The following IQCM variants were observed in gnomAD, a reference collection of about 807,000 sequenced individuals.
IQCM encodes IQ domain-containing protein M.
In IQCM, 45 loss-of-function variants were observed where a neutral mutation model predicts 57.6. That is an observed-to-expected ratio of 0.78 (90% CI 0.62 to 1.00). The LOEUF is 1.00. Among genes scored for constraint, IQCM ranks in the 50% least tolerant of loss-of-function variants. The probability of loss-of-function intolerance (pLI) is 0.00; values close to 1 mark genes in which losing one functional copy is unlikely to be tolerated. For missense variants in IQCM, 468 were observed against 511.6 expected (o/e 0.91, Z 0.82); for synonymous variants, 148 against 158.9 (o/e 0.93, Z 0.51).
At chr4:149,506,226 G>A (rs1053174710) in intron 12 of IQCM, among the ~76,000 whole-genome samples, 2 of 152,158 alleles carry the variant, frequency 1.3e-5, no homozygotes, top group African/African-American at 4.8e-5. Context: ...AGGAGATTCT[G>A]CCACAGTTAT....
chr4:149,608,333 C>G (rs1191813214), intron 8 of IQCM, among the ~76,000 whole-genome samples: 1 of 151,864 alleles, frequency 6.6e-6, no homozygotes, highest in Non-Finnish European at 1.5e-5. Flanking sequence ...ATCAACACTC[C>G]ACTTTCAGCA....
At chr4:149,695,954 A>C (rs1387850570) in intron 5 of IQCM, among the ~76,000 whole-genome samples, 1 of 152,158 alleles carries the variant, frequency 6.6e-6, no homozygotes, top group African/African-American at 2.4e-5. Context: ...TGGGTAAAAG[A>C]ATTGCAAAAA....
chr4:149,487,087 G>A (rs1361870586), intron 12 of IQCM, among the ~76,000 whole-genome samples: 1 of 152,120 alleles, frequency 6.6e-6, no homozygotes, highest in African/African-American at 2.4e-5. Context: ...GGCTCACAGT[G>A]TACTCCCTGG....
intron 12 of IQCM, among the ~76,000 whole-genome samples, chr4:149,508,248 C>T (rs1251443308): frequency 6.6e-6 from 1 of 152,044 alleles, no homozygotes; most frequent in African/African-American, 2.4e-5. Flanking sequence ...GTGGCACCAC[C>T]TAGAGAAGCT....
At chr4:149,585,924 A>G (rs1166345320) in intron 9 of IQCM, among the ~76,000 whole-genome samples, 1 of 151,722 alleles carries the variant, frequency 6.6e-6, no homozygotes, top group Non-Finnish European at 1.5e-5. Context: ...AAAATATTTA[A>G]GACATCCCTG....
At chr4:149,550,720 T>A (rs1278222413) in intron 11 of IQCM, among the ~76,000 whole-genome samples, 1 of 152,178 alleles carries the variant, frequency 6.6e-6, no homozygotes, top group African/African-American at 2.4e-5. Flanking sequence ...TATAGGTAAC[T>A]GCCAAATATC....
intron 2 of IQCM, among the ~76,000 whole-genome samples, chr4:149,764,367 G>A (rs141991636): frequency 0.022 from 3,383 of 152,246 alleles, 63 homozygotes; most frequent in South Asian, 0.034. Flanking sequence ...CACTAGCCTG[G>A]ACAGACTTTT....
intron 7 of IQCM, among the ~76,000 whole-genome samples, chr4:149,679,615 A>G (rs1762027255): frequency 6.6e-6 from 1 of 151,530 alleles, no homozygotes; most frequent in Non-Finnish European, 1.5e-5. Context: ...GTATTAAATA[A>G]TCATGTGTAT....
intron 7 of IQCM, among the ~76,000 whole-genome samples, chr4:149,652,707 C>T (rs1399513328): frequency 6.6e-6 from 1 of 150,500 alleles, no homozygotes; most frequent in Non-Finnish European, 1.5e-5. Flanking sequence ...ATGTGAACAA[C>T]ATGAAACAAA....
chr4:149,767,341 A>C (rs775902523), intron 2 of IQCM, among the ~76,000 whole-genome samples: 7 of 152,044 alleles, frequency 4.6e-5, no homozygotes, highest in Non-Finnish European at 2.9e-5. Context: ...CTTGATACAC[A>C]CAAGTTTTGT....
chr4:149,429,061 C>A (rs528710945), intron 13 of IQCM, among the ~76,000 whole-genome samples: 49 of 151,846 alleles, frequency 3.2e-4, no homozygotes, highest in South Asian at 6.2e-4. Flanking sequence ...AAGATAATAG[C>A]TAATCCACCC....
chr4:149,498,528 C>G (rs555948631), intron 12 of IQCM, among the ~76,000 whole-genome samples: 8 of 152,240 alleles, frequency 5.3e-5, no homozygotes, highest in Admixed American at 2.0e-4. Context: ...AACCCTGGTA[C>G]AGCAGGCTCT....
At chr4:149,467,571 G>C (rs972421581) in intron 12 of IQCM, among the ~76,000 whole-genome samples, 6 of 152,158 alleles carry the variant, frequency 3.9e-5, no homozygotes, top group African/African-American at 4.8e-5. Context: ...TTAATGAAAA[G>C]ACCTCTTTTA....
At chr4:149,379,208 C>T (rs535303375) in intron 13 of IQCM, among the ~76,000 whole-genome samples, 15 of 152,322 alleles carry the variant, frequency 9.8e-5, no homozygotes, top group Admixed American at 3.3e-4. Flanking sequence ...TAGGGCAGTG[C>T]AGTAGGGAAA....
chr4:149,494,109 C>T (rs375953447), intron 12 of IQCM, among the ~76,000 whole-genome samples: 21 of 151,902 alleles, frequency 1.4e-4, no homozygotes, highest in Middle Eastern at 6.8e-3. Context: ...CCAAACATAG[C>T]CTGATACGAT....
At chr4:149,793,919 A>G (rs1285854157) in intron 2 of IQCM, among the ~76,000 whole-genome samples, 1 of 152,248 alleles carries the variant, frequency 6.6e-6, no homozygotes, top group Non-Finnish European at 1.5e-5. Context: ...AATCACACTA[A>G]AATGATTCTA....
At chr4:149,643,444 T>C (rs1460319088) in intron 7 of IQCM, among the ~76,000 whole-genome samples, 1 of 152,166 alleles carries the variant, frequency 6.6e-6, no homozygotes, top group Non-Finnish European at 1.5e-5. Flanking sequence ...CCAGAGGAAG[T>C]CTAGGGATAG....
rs533378681 is a variant in IQCM, at chr4:149,526,948, C to A, written c.1228+21507G>T. On this transcript the variant is annotated intron_variant, in intron 12 of 13. Coordinates refer to ENST00000636793, the MANE Select transcript of IQCM (RefSeq NM_001363507.2). ...TATATTCCATTATTTATTTTTATAG[C>A]CTCTTGGAAAAGTAATAATATATAG... Among the ~76,000 whole-genome samples, 378 of 151,988 alleles carry A rather than the reference C, an allele frequency of 2.5e-3. 1 individual carries two copies. The highest frequency in any genetic ancestry group is 8.4e-3 in the African/African-American group (348 of 41,460).
chr4:149,370,061 A>G (rs1324155048), intron 13 of IQCM, among the ~76,000 whole-genome samples: 2 of 151,814 alleles, frequency 1.3e-5, no homozygotes, highest in South Asian at 2.1e-4. Context: ...ACGTCTGGCA[A>G]TTTTTTTATT....
Sources: allele counts gnomAD v4.1 joint callset (sites outside exome capture counted in the v4.1 genomes callset), GRCh38; gene constraint gnomAD v4.1.1; transcripts MANE v1.5; gene names NCBI Gene and HGNC (gene_info 2026-07-23, HGNC 2026-07-21).